Variants in SPTBN2 observed in about 807,000 individuals in gnomAD.
SPTBN2 encodes the protein spectrin beta, non-erythrocytic 2.
In SPTBN2, 107 loss-of-function variants were observed where a neutral mutation model predicts 284.2. The observed-to-expected ratio is 0.38, with a 90% CI of 0.32 to 0.44. The LOEUF (loss-of-function observed/expected upper bound fraction) is 0.44, where lower values mean the gene tolerates loss of function less well. SPTBN2 is among the 20% of genes least tolerant of loss of function. The probability of loss-of-function intolerance (pLI) is 1.00; values close to 1 mark genes in which losing one functional copy is unlikely to be tolerated. For synonymous variants in SPTBN2, 1,289 were observed against 1,354.8 expected, an observed-to-expected ratio of 0.95 and a Z score of 1.07; for missense variants, 2,569 against 3,287.1, an observed-to-expected ratio of 0.78 and a Z score of 5.34.
intron 27 of SPTBN2, chr11:66,690,486 G>T: frequency 1.5e-6 from 1 of 662,320 alleles, no homozygotes; most frequent in Non-Finnish European, 2.5e-6. Context: ...AGACACCTGG[G>T]CTTAACTGGG....
intron 30 of SPTBN2, 52 bp downstream of exon 30, chr11:66,689,044 T>C (rs1278811517): frequency 7.7e-6 from 12 of 1,555,856 alleles, no homozygotes; most frequent in Non-Finnish European, 1.1e-5. Flanking sequence ...ACCCACAGGG[T>C]GCAGGATGCC....
chr11:66,731,804 T>C (rs1942816104), upstream of SPTBN2, among the ~76,000 whole-genome samples: 1 of 152,238 alleles, frequency 6.6e-6, no homozygotes, highest in South Asian at 2.1e-4. Context: ...AAAAACTATA[T>C]GGCTAATTAT....
rs557589937 is a variant in SPTBN2 at position 66,691,627 on chromosome 11, C to T, written c.5222G>A (p.Arg1741Gln). ...CTCCTGACCGATGGTGCTTGTGTCC[C>T]GGGAGAACTCTCGGAATTTGTCTCG... ...MLRDKFREFSRDTSTIGQERV... is the reference protein window; with the variant it reads ...MLRDKFREFSQDTSTIGQERV... The change falls in exon 27 of 38, where the codon CGG becomes CAG. Residue 1741 changes from arginine (R) to glutamine (Q), a missense_variant. Transcript: ENST00000533211. This position sits in a 1 kb window ranked among gnomAD's most constrained non-coding sequence, Gnocchi z 8.0. The T allele has an allele frequency of 1.6e-5, 26 of 1,613,826 alleles. No homozygotes were observed. Among genetic ancestry groups the T allele is most frequent in the Admixed American group, 5.0e-5 (3 of 60,030 alleles).
chr11:66,705,394 C>G lies in SPTBN2; in HGVS notation c.1882G>C (p.Glu628Gln). 1 of 1,613,000 alleles carries G rather than the reference C, an allele frequency of 6.2e-7. No individual in the cohort carries two copies. The highest frequency in any genetic ancestry group is 2.2e-5 in the East Asian group (1 of 44,880). ...KLEQSYEALC[E>Q]LAAARRARLE... ...CGGGCCCGCCGCGCCGCTGCCAACT[C>G]GCACAGTGCCTCATAGCTCTGCTCT... is the stretch of plus-strand genomic sequence containing the variant. The change falls in exon 15 of 38, where the codon GAG (glutamate) becomes CAG (glutamine). Residue 628 changes from glutamate to glutamine, a missense_variant. By Grantham distance (29) the Glu-to-Gln change is conservative. Transcript: ENST00000533211.
In SPTBN2 at chr11:66,700,936, G is replaced by A. The variant is rs138022806; in HGVS notation, c.3163C>T (p.Arg1055Trp). 45 of 1,603,334 alleles carry A rather than the reference G, an allele frequency of 2.8e-5. No individual in the cohort carries two copies. Among genetic ancestry groups the A allele is most frequent in the East Asian group, 4.5e-5 (2 of 44,868 alleles). ...TGWEDLRATM[R>W]RREESLGEAR... ...TCCCCCAGCGACTCTTCTCGACGCC[G>A]CATGGTGGCCCTGAGGTCCTCCCAG... Residue 1055 changes from arginine (R) to tryptophan (W), a missense_variant, in exon 17 of 38, where the codon CGG (arginine) becomes TGG (tryptophan). Coordinates refer to ENST00000533211, the MANE Select transcript of SPTBN2 (RefSeq NM_006946.4). The surrounding 1 kb of genome is among the most constrained non-coding windows in gnomAD (Gnocchi z 6.6).
Position 66,707,901 on chromosome 11 carries a change from C to A in SPTBN2, c.1351-83G>T. 1 of 1,543,716 alleles carries A rather than the reference C, an allele frequency of 6.5e-7. No homozygotes were observed. Among genetic ancestry groups the A allele is most frequent in the Admixed American group, 1.8e-5 (1 of 56,948 alleles). ...TCCTCTGTCCTGCAGGGCACTTGGC[C>A]TGCAAGATCCCAGCTCCATGCGGTG... On this transcript the variant is annotated intron_variant, in intron 12 of 37. Transcript: ENST00000533211. This position sits in a 1 kb window ranked among gnomAD's most constrained non-coding sequence, Gnocchi z 4.9.
chr11:66,721,140 T>C lies in SPTBN2; in HGVS notation c.101A>G (p.Asp34Gly). The C allele has an allele frequency of 6.2e-7, 1 of 1,614,146 alleles. No homozygotes were observed. The highest frequency in any genetic ancestry group is 8.5e-7 in the Non-Finnish European group (1 of 1,180,028). ...NRWDLPDSDWDNDSSSARLFE... is the reference protein window; with the variant it reads ...NRWDLPDSDWGNDSSSARLFE... ...GAGGCGGGCCGAGCTGCTGTCATTGTCCCAGTCCGAGTCAGGAAGGTCCCA... is the reference window on the plus strand; with the variant it reads ...GAGGCGGGCCGAGCTGCTGTCATTGCCCCAGTCCGAGTCAGGAAGGTCCCA... Residue 34 changes from aspartate (D) to glycine (G), a missense_variant, in exon 3 of 38, where the codon GAC (aspartate) becomes GGC (glycine). By Grantham distance (94) the Asp-to-Gly change is moderately conservative. Around this residue, in one of 6 missense-constraint regions of SPTBN2, gnomAD observed 304 missense variants for 522.1 expected, o/e 0.58. Coordinates refer to ENST00000533211, the MANE Select transcript of SPTBN2 (RefSeq NM_006946.4).
rs752318811 is a variant in SPTBN2 at position 66,687,617 on chromosome 11, G to A, written c.6532C>T (p.Pro2178Ser). 13 of 1,604,110 alleles carry A rather than the reference G, an allele frequency of 8.1e-6. No individual in the cohort carries two copies. Among genetic ancestry groups the A allele is most frequent in the Non-Finnish European group, 1.0e-5 (12 of 1,175,704 alleles). Residue 2178 changes from proline (P) to serine (S), a missense_variant, in exon 35 of 38, where the codon CCC becomes TCC. Pro to Ser is a moderately conservative substitution (Grantham distance 74). This residue lies in a region of SPTBN2 where 1,130 missense variants were observed against 1,317.3 expected (regional missense o/e 0.86). Coordinates refer to ENST00000533211, the MANE Select transcript of SPTBN2 (RefSeq NM_006946.4). The surrounding 1 kb of genome is among the most constrained non-coding windows in gnomAD (Gnocchi z 5.2). ...GPGSGDEANG[P>S]RGERQTRTRG... ...GTCCGGGTCTGCCTCTCTCCCCGGG[G>A]CCCATTGGCTTCGTCCCCTGAGCCA...
Position 66,687,042 on chromosome 11 carries a change from C to G in SPTBN2, c.6848G>C (p.Gly2283Ala). Reference protein sequence around the residue: ...EVPVSLARAQGSVAFDYRKRK... With the variant: ...EVPVSLARAQASVAFDYRKRK... ...CTTTCGGTAATCAAAGGCGACGCTG[C>G]CCTGGGCCCTGGCCAGGCTGACAGG... The change falls in exon 36 of 38, where the codon GGC (glycine) becomes GCC (alanine). Residue 2283 changes from glycine to alanine, a missense_variant. Physicochemically the swap from Gly to Ala is moderately conservative, Grantham distance 60. Around this residue, in one of 6 missense-constraint regions of SPTBN2, gnomAD observed 1,130 missense variants for 1,317.3 expected, o/e 0.86. Coordinates refer to ENST00000533211, the MANE Select transcript of SPTBN2 (RefSeq NM_006946.4). This position sits in a 1 kb window ranked among gnomAD's most constrained non-coding sequence, Gnocchi z 5.2. The G allele has an allele frequency of 6.2e-7, 1 of 1,614,126 alleles. No individual in the cohort carries two copies. Among genetic ancestry groups the G allele is most frequent in the Non-Finnish European group, 8.5e-7 (1 of 1,180,042 alleles).
chr11:66,705,495 A>G lies in SPTBN2; in HGVS notation c.1808-27T>C, dbSNP rs749552824. The G allele has an allele frequency of 3.7e-6, 6 of 1,612,664 alleles. No homozygotes were observed. In the Admixed American group the frequency reaches 1.0e-4, roughly 27 times the overall value. On this transcript the variant is annotated intron_variant, in intron 14 of 37. Coordinates refer to ENST00000533211, the MANE Select transcript of SPTBN2 (RefSeq NM_006946.4). The stretch of plus-strand genomic sequence containing the variant: ...TGAGAAAGTCACAGGAGAGGGTCAG[A>G]GCCTTAACCCAGCCCTCCGGCTGCT...
Position 66,708,085 on chromosome 11 carries a change from C to T in SPTBN2, c.1350+56G>A. The T allele has an allele frequency of 1.2e-6, 2 of 1,609,726 alleles. No homozygotes were observed. The highest frequency in any genetic ancestry group is 1.7e-6 in the Non-Finnish European group (2 of 1,177,254). ...CCACCCCGCGGGGCTTCTTATCCAC[C>T]CTGTCTCTCTCCCAGTTCTGACCAG... is the stretch of plus-strand genomic sequence containing the variant. On this transcript the variant is annotated intron_variant, in intron 12 of 37. Coordinates refer to ENST00000533211, the MANE Select transcript of SPTBN2 (RefSeq NM_006946.4). This position sits in a 1 kb window ranked among gnomAD's most constrained non-coding sequence, Gnocchi z 4.4.
chr11:66,689,760 A>T, intron 29 of SPTBN2, 45 bp downstream of exon 29: 1 of 1,610,066 alleles, frequency 6.2e-7, no homozygotes, highest in Non-Finnish European at 8.5e-7. Flanking sequence ...GTCAGCGTTC[A>T]GCACTGCACA....
chr11:66,711,048 T>A lies in SPTBN2; in HGVS notation c.773-19A>T. 6.2e-7 allele frequency: 1 copy of A among 1,606,874 alleles called. No homozygotes were observed. Among genetic ancestry groups the A allele is most frequent in the Non-Finnish European group, 8.5e-7 (1 of 1,173,478 alleles). ...TTCACGTCTGCAAGAGAGGACCATT[T>A]GGGTCAGGCCTCCCAGAAGTTCATC... On this transcript the variant is annotated intron_variant, in intron 8 of 37. Transcript: ENST00000533211.
upstream of SPTBN2, among the ~76,000 whole-genome samples, chr11:66,729,875 C>T (rs996549096): frequency 2.6e-5 from 4 of 152,144 alleles, no homozygotes; most frequent in Admixed American, 1.3e-4. Flanking sequence ...GATCTCGGCT[C>T]ACTGCAACCT....
In SPTBN2 at chr11:66,690,506, G is replaced by A. The variant is rs1362633920; in HGVS notation, c.5566-223C>T. On this transcript the variant is annotated intron_variant, in intron 27 of 37. Transcript: ENST00000533211. ...CCTGGGCTTAACTGGGGGAGGATCT[G>A]GAAAAGAGCCATTGGCCAGTTGAAC... is the stretch of plus-strand genomic sequence containing the variant. 3 of 620,938 alleles carry A rather than the reference G, an allele frequency of 4.8e-6. No homozygotes were observed. In the East Asian group the frequency reaches 8.3e-5, roughly 17 times the overall value. The allele number at this position is 620,938 out of a possible 1,614,324, so 38.5% of individuals were successfully genotyped here.
chr11:66,692,877 G>A (rs1940655104), intron 25 of SPTBN2, 93 bp downstream of exon 25: 2 of 1,595,748 alleles, frequency 1.3e-6, no homozygotes, highest in South Asian at 2.2e-5. Context: ...AAGGCTCCGT[G>A]CACACAGCAC....
intron 29 of SPTBN2, 180 bp from the exon 30 acceptor site, chr11:66,689,360 C>T (rs1565112652): frequency 4.6e-6 from 3 of 646,868 alleles, no homozygotes; most frequent in Non-Finnish European, 7.8e-6. Flanking sequence ...CTGCAACCTC[C>T]ACCTCCCAGG....
chr11:66,698,510 T>G, intron 20 of SPTBN2, 129 bp downstream of exon 20: 1 of 1,405,834 alleles, frequency 7.1e-7, no homozygotes, highest in Non-Finnish European at 9.9e-7. Flanking sequence ...GGCCATAACT[T>G]TCCACCATGG....
Position 66,693,698 on chromosome 11 carries a change from G to A in SPTBN2, c.4593+74C>T. Reference sequence around the variant, plus strand: ...TACACTCAGCATCGAGGGGGGCCTGGTCTTAAGAAAAAACACGTCCAAGTC... The same window carrying A: ...TACACTCAGCATCGAGGGGGGCCTGATCTTAAGAAAAAACACGTCCAAGTC... On this transcript the variant is annotated intron_variant, in intron 23 of 37. Transcript: ENST00000533211. This position sits in a 1 kb window ranked among gnomAD's most constrained non-coding sequence, Gnocchi z 5.7. 1.4e-6 allele frequency: 2 copies of A among 1,455,618 alleles called. No individual in the cohort carries two copies. Among genetic ancestry groups the A allele is most frequent in the Non-Finnish European group, 1.9e-6 (2 of 1,058,840 alleles). The allele number at this position is 1,455,618 out of a possible 1,614,324, so 90.2% of individuals were successfully genotyped here.
Sources: allele counts gnomAD v4.1 joint callset (sites outside exome capture counted in the v4.1 genomes callset), GRCh38; gene constraint gnomAD v4.1.1; regional missense constraint gnomAD v4.1.1; non-coding constraint Gnocchi (gnomAD v3.1); transcripts MANE v1.5; gene names NCBI Gene and HGNC (gene_info 2026-07-23, HGNC 2026-07-21).